Variants in MICAL2 observed in about 807,000 individuals in gnomAD.
MICAL2 encodes the protein [F-actin]-monooxygenase MICAL2.
A neutral mutation model predicts 127.3 loss-of-function variants in MICAL2; 77 were observed. The ratio of observed to expected loss-of-function variants is 0.60; its 90% confidence interval spans 0.50 to 0.73. The LOEUF is 0.73. Ranked by LOEUF, MICAL2 falls within the 30% of genes least tolerant of loss-of-function variation. The pLI is 0.00. For synonymous variants in MICAL2, 570 were observed against 551.1 expected (o/e 1.03, Z -0.48); for missense variants, 1,351 against 1,434.4 (o/e 0.94, Z 0.94).
chr11:12,327,368 C>A, intron 32 of MICAL2: 1 of 911,496 alleles, frequency 1.1e-6, no homozygotes. Flanking sequence ...GGAGATCTGT[C>A]AGCATGGACA....
In MICAL2 at chr11:12,172,069, G is replaced by A. The variant is rs143298124; in HGVS notation, c.264+9650G>A. On this transcript the variant is annotated intron_variant, in intron 3 of 27. Transcript: ENST00000683283. Reference sequence around the variant, plus strand: ...GCTAGCGGCTGTCAAATTGGACTGTGCAGTTTTCCTCATGCTTGTCACCTT... The same window carrying A: ...GCTAGCGGCTGTCAAATTGGACTGTACAGTTTTCCTCATGCTTGTCACCTT... Among the ~76,000 whole-genome samples the A allele has an allele frequency of 5.9e-5, 9 of 152,278 alleles. No individual in the cohort carries two copies. In the East Asian group the frequency reaches 1.7e-3, roughly 29 times the overall value.
intron 4 of MICAL2, among the ~76,000 whole-genome samples, chr11:12,206,787 T>C (rs1854744194): frequency 6.6e-6 from 1 of 152,052 alleles, no homozygotes; most frequent in African/African-American, 2.4e-5. Context: ...ACCCATTCCT[T>C]CCTCGTGTCT....
intron 2 of MICAL2, among the ~76,000 whole-genome samples, chr11:12,154,115 T>C (rs955145387): frequency 1.3e-5 from 2 of 152,172 alleles, no homozygotes; most frequent in Non-Finnish European, 2.9e-5. Context: ...CTGCACTGGA[T>C]GCAAGGGCCC....
At chr11:12,126,703 T>C (rs12577704) in intron 1 of MICAL2, among the ~76,000 whole-genome samples, 14,028 of 73,826 alleles carry the variant, frequency 0.19, 829 homozygotes, top group African/African-American at 0.29. Flanking sequence ...GGCTTATGTG[T>C]GTAAAAAAAA....
rs1864271404 is a variant in MICAL2 at position 12,319,750 on chromosome 11, C to A, written c.5267C>A (p.Ser1756Tyr). The stretch of plus-strand genomic sequence containing the variant: ...GTAACAGAGGCTTCCTCTTCTGCCT[C>A]TTCAACCTCCTCCTCCTCTGCAGAT... Residue 1756 changes from serine to tyrosine, a missense_variant, in exon 30 of 35, where the codon TCT becomes TAT. Coordinates refer to the MICAL2 transcript ENST00000646065. 1.9e-6 allele frequency: 3 copies of A among 1,614,026 alleles called. No homozygotes were observed. The African/African-American group carries it at 4.0e-5, about 22-fold the overall frequency.
At chr11:12,313,267 G>T (rs1160830170) in intron 29 of MICAL2, among the ~76,000 whole-genome samples, 2 of 151,600 alleles carry the variant, frequency 1.3e-5, no homozygotes, top group Admixed American at 6.6e-5. Flanking sequence ...GAAAGTTAGA[G>T]TAATATTTTT....
upstream of MICAL2, among the ~76,000 whole-genome samples, chr11:12,273,878 T>C (rs1254830356): frequency 6.6e-6 from 1 of 152,056 alleles, no homozygotes; most frequent in Non-Finnish European, 1.5e-5. Context: ...AGGAGGTCAC[T>C]GTGGACTGTG....
At chr11:12,166,570 C>T (rs1855531748) in intron 3 of MICAL2, among the ~76,000 whole-genome samples, 1 of 152,170 alleles carries the variant, frequency 6.6e-6, no homozygotes, top group African/African-American at 2.4e-5. Flanking sequence ...TATCTCTGGT[C>T]CTCAGTAGCA....
chr11:12,247,194 GAGGCTGTGTGCATGT>G (rs1347490412), intron 21 of MICAL2, among the ~76,000 whole-genome samples: 1 of 152,190 alleles, frequency 6.6e-6, no homozygotes, highest in Middle Eastern at 3.2e-3. Context: ...CAGAGGCCCA[GAGGCTGTGTGCATGT>G]AAACCCTCAC....
intron 32 of MICAL2, among the ~76,000 whole-genome samples, chr11:12,336,505 G>T (rs544711560): frequency 6.6e-6 from 1 of 152,186 alleles, no homozygotes; most frequent in African/African-American, 2.4e-5. Context: ...TAGGAGTGGT[G>T]AGAGAGGGCC....
intron 23 of MICAL2, chr11:12,256,546 G>C: frequency 2.4e-6 from 1 of 412,692 alleles, no homozygotes; most frequent in South Asian, 4.8e-5. Flanking sequence ...GCCCCTCCCG[G>C]GCCCACCTTG....
intron 1 of MICAL2, among the ~76,000 whole-genome samples, chr11:12,127,199 G>C (rs1392392318): frequency 6.6e-6 from 1 of 152,186 alleles, no homozygotes; most frequent in Non-Finnish European, 1.5e-5. Flanking sequence ...AAAGGGTCTA[G>C]CTCCAGGACA....
At chr11:12,138,002 A>T (rs540208711) in intron 1 of MICAL2, among the ~76,000 whole-genome samples, 1 of 152,334 alleles carries the variant, frequency 6.6e-6, no homozygotes, top group South Asian at 2.1e-4. Flanking sequence ...CTTGTTATCC[A>T]GTTTTACACC....
At chr11:12,166,950 G>T (rs1369609600) in intron 3 of MICAL2, among the ~76,000 whole-genome samples, 1 of 152,172 alleles carries the variant, frequency 6.6e-6, no homozygotes, top group Non-Finnish European at 1.5e-5. Context: ...GGAGGAGTGT[G>T]TGGGGTGCGG....
At chr11:12,187,689 T>C (rs1335450729) in intron 3 of MICAL2, among the ~76,000 whole-genome samples, 1 of 152,106 alleles carries the variant, frequency 6.6e-6, no homozygotes, top group Non-Finnish European at 1.5e-5. Context: ...TGACTGGGGG[T>C]TCCCGAGAGT....
intron 3 of MICAL2, among the ~76,000 whole-genome samples, chr11:12,179,141 C>A (rs1050620339): frequency 3.9e-5 from 6 of 152,168 alleles, no homozygotes; most frequent in African/African-American, 1.2e-4. Flanking sequence ...AGTTCCAGCT[C>A]CAGCCTGGCC....
intron 3 of MICAL2, among the ~76,000 whole-genome samples, chr11:12,163,239 T>TG (rs1218143205): frequency 6.6e-6 from 1 of 152,196 alleles, no homozygotes; most frequent in Non-Finnish European, 1.5e-5. Context: ...GATGGGCAGG[T>TG]GGGAGTCCAG....
upstream of MICAL2, among the ~76,000 whole-genome samples, chr11:12,272,837 T>G (rs187201619): frequency 2.4e-3 from 369 of 151,658 alleles, 2 homozygotes; most frequent in African/African-American, 8.4e-3. Context: ...TCTTTTCATG[T>G]AACCTAGCAG....
At chr11:12,118,225 C>T (rs745672323) in intron 1 of MICAL2, among the ~76,000 whole-genome samples, 1 of 152,220 alleles carries the variant, frequency 6.6e-6, no homozygotes, top group Non-Finnish European at 1.5e-5. Context: ...CCCACACATA[C>T]ATAGATGCAT....
Sources: gnomAD v4.1 joint callset for allele counts (sites outside exome capture counted in the v4.1 genomes callset) on GRCh38, gnomAD v4.1.1 for gene constraint, MANE v1.5 for transcripts, NCBI Gene and HGNC (gene_info 2026-07-23, HGNC 2026-07-21) for gene names.